LPA: variants seen among roughly 807,000 people sequenced by gnomAD.
The protein encoded by LPA is lipoprotein(a), also known as apolipoprotein(a).
In LPA, 199 loss-of-function variants were observed where a neutral mutation model predicts 197.9. The ratio of observed to expected loss-of-function variants is 1.01; its 90% CI spans 0.90 to 1.13. The LOEUF (loss-of-function observed/expected upper bound fraction) is 1.13. Ranked by LOEUF, LPA falls within the 50% of genes most tolerant of loss-of-function variation. LPA has a pLI of 0.00. For missense variants in LPA, 1,853 were observed against 1,785.8 expected (o/e 1.04, Z -0.68); for synonymous variants, 715 against 639.5 (o/e 1.12, Z -1.78).
At chr6:160,591,168 T>G in intron 22 of LPA, 67 bp from the exon 23 acceptor site, 2 of 1,591,782 alleles carry the variant, frequency 1.3e-6, no homozygotes, top group South Asian at 2.2e-5. Flanking sequence ...AGACATCCTC[T>G]ACATTTTGTT....
chr6:160,576,669 T>C (rs1778686245), intron 28 of LPA, among the ~76,000 whole-genome samples: 1 of 74,578 alleles, frequency 1.3e-5, no homozygotes, highest in African/African-American at 7.1e-5. Flanking sequence ...TATTCAGATG[T>C]TTGTGTGTGT....
At chr6:160,568,404 T>A (rs7750595) in intron 28 of LPA, among the ~76,000 whole-genome samples, 194 of 152,308 alleles carry the variant, frequency 1.3e-3, no homozygotes, top group Non-Finnish European at 2.3e-3. Flanking sequence ...ATTATCTCAA[T>A]AGATGCAGAA....
chr6:160,535,877 T>G (rs777963935), intron 37 of LPA, among the ~76,000 whole-genome samples: 4 of 152,192 alleles, frequency 2.6e-5, no homozygotes, highest in Admixed American at 2.6e-4. Context: ...GATTTTAGCT[T>G]CATGCTTTCA....
intron 30 of LPA, among the ~76,000 whole-genome samples, chr6:160,555,455 A>ATATATATATATATATATATG (rs1287454419): frequency 2.6e-4 from 35 of 133,070 alleles, no homozygotes; most frequent in Non-Finnish European, 3.5e-4. Context: ...ATATATATAT[A>ATATATATATATATATATATG]TGTGTGTGTA....
At chr6:160,613,287 G>A (rs1362553751) in intron 14 of LPA, among the ~76,000 whole-genome samples, 174 bp from the exon 15 acceptor site, 8 of 100,138 alleles carry the variant, frequency 8.0e-5, no homozygotes, top group Non-Finnish European at 1.1e-4. Context: ...AATCGTCTCT[G>A]CACATCTCTC....
chr6:160,578,603 C>A lies in LPA; in HGVS notation c.4391G>T (p.Arg1464Leu), dbSNP rs767564396. The change falls in exon 27 of 39, where the codon CGA (arginine) becomes CTA (leucine). Residue 1464 changes from arginine (R) to leucine (L), a missense_variant. By Grantham distance (102) the Arg-to-Leu change is moderately radical. Around this residue, in one of 3 missense-constraint regions of LPA, gnomAD observed 1,737 missense variants for 1,504.4 expected, o/e 1.15. Transcript: ENST00000316300. Reference protein sequence around the residue: ...SVRWEYCNLTRCPVTESSVLT... With the variant: ...SVRWEYCNLTLCPVTESSVLT... ...GACACTCGATTCTGTCACTGGACAT[C>A]GTGTCAGGTTGCAGTACTCCCACCT... The A allele has an allele frequency of 6.2e-7, 1 of 1,614,020 alleles. No individual in the cohort carries two copies. The highest frequency in any genetic ancestry group is 8.5e-7 in the Non-Finnish European group (1 of 1,179,922).
At chr6:160,605,665 C>T (rs1344474143) in intron 17 of LPA, among the ~76,000 whole-genome samples, 13 of 152,216 alleles carry the variant, frequency 8.5e-5, no homozygotes, top group African/African-American at 2.9e-4. Context: ...AAACAATGAA[C>T]GTTTCATAAC....
chr6:160,605,075 A>G lies in LPA; in HGVS notation c.2916T>C (p.His972=), dbSNP rs777119063. Residue 972 remains histidine, a synonymous_variant, in exon 18 of 39, where the codon CAT becomes CAC. Coordinates refer to ENST00000316300, the MANE Select transcript of LPA (RefSeq NM_005577.4). Reference sequence around the variant, plus strand: ...TTGGGTAGTATGCTGGGGTCCGACTATGCGAGTGTGGTGTCATAGATGACC... The same window carrying G: ...TTGGGTAGTATGCTGGGGTCCGACTGTGCGAGTGTGGTGTCATAGATGACC... The part of the protein sequence containing the change: ...QAWSSMTPHS[H]SRTPAYYPNA... 3.1e-6 allele frequency: 5 copies of G among 1,613,764 alleles called. No individual in the cohort carries two copies. The highest frequency in any genetic ancestry group is 4.2e-6 in the Non-Finnish European group (5 of 1,179,806).
At chr6:160,662,314 G>A (rs1780240353) in intron 1 of LPA, among the ~76,000 whole-genome samples, 1 of 152,192 alleles carries the variant, frequency 6.6e-6, no homozygotes, top group South Asian at 2.1e-4. Context: ...CTTCCTCACT[G>A]TGGTGTGTGA....
At chr6:160,609,029 G>A (rs181151495) in intron 16 of LPA, among the ~76,000 whole-genome samples, 20 of 151,902 alleles carry the variant, frequency 1.3e-4, no homozygotes, top group Non-Finnish European at 2.9e-5. Flanking sequence ...ATTTGATTTG[G>A]CTAGTCAATA....
intron 22 of LPA, among the ~76,000 whole-genome samples, chr6:160,592,130 T>C (rs1240700078): frequency 1.3e-5 from 2 of 152,182 alleles, no homozygotes; most frequent in African/African-American, 4.8e-5. Context: ...CTTTTTCCTC[T>C]CTTTCTGTGA....
intron 26 of LPA, among the ~76,000 whole-genome samples, chr6:160,584,621 T>G (rs992614343): frequency 6.6e-6 from 1 of 152,088 alleles, no homozygotes; most frequent in Non-Finnish European, 1.5e-5. Flanking sequence ...CCTGAGCCAC[T>G]GCACCCAGCC....
At chr6:160,555,284 A>ATG (rs1298217216) in intron 30 of LPA, among the ~76,000 whole-genome samples, 6 of 118,666 alleles carry the variant, frequency 5.1e-5, no homozygotes, top group African/African-American at 2.0e-4. Flanking sequence ...ATTATATTAT[A>ATG]TTATATGTTA....
At chr6:160,610,402 G>A (rs1303011468) in intron 16 of LPA, among the ~76,000 whole-genome samples, 1 of 152,046 alleles carries the variant, frequency 6.6e-6, no homozygotes, top group Non-Finnish European at 1.5e-5. Flanking sequence ...TGGCTGTTCT[G>A]GGGTCTCCAC....
chr6:160,610,731 T>C (rs139920818), intron 16 of LPA, among the ~76,000 whole-genome samples: 1 of 152,128 alleles, frequency 6.6e-6, no homozygotes, highest in Non-Finnish European at 1.5e-5. Flanking sequence ...TCTGCTCAGC[T>C]AGATGGCTAC....
rs145734741 is a variant in LPA at position 160,661,046 on chromosome 6, C to T, written c.49+3120G>A. 3.3e-5 allele frequency among the ~76,000 whole-genome samples: 5 copies of T among 151,108 alleles called. No individual in the cohort carries two copies. The East Asian group carries it at 9.7e-4, about 29-fold the overall frequency. ...GGCCAAGTGGGGCTCAGCTGTGTTCCCATTGCAAGGCTACTGAGCATCCCC... is the reference window on the plus strand; with the variant it reads ...GGCCAAGTGGGGCTCAGCTGTGTTCTCATTGCAAGGCTACTGAGCATCCCC... On this transcript the variant is annotated intron_variant, in intron 1 of 38. Transcript: ENST00000316300.
chr6:160,538,566 A>C (rs557457807), intron 36 of LPA, among the ~76,000 whole-genome samples: 10 of 152,340 alleles, frequency 6.6e-5, no homozygotes, highest in Admixed American at 2.6e-4. Flanking sequence ...AGGGACTCTT[A>C]AAGATTAGAA....
chr6:160,536,006 G>T (rs1346593589), intron 37 of LPA, among the ~76,000 whole-genome samples: 1 of 152,184 alleles, frequency 6.6e-6, no homozygotes, highest in East Asian at 1.9e-4. Flanking sequence ...GGTATTAGTG[G>T]GGTCTTGCCT....
chr6:160,603,100 T>A (rs909497834), intron 18 of LPA, among the ~76,000 whole-genome samples: 1 of 151,994 alleles, frequency 6.6e-6, no homozygotes, highest in African/African-American at 2.4e-5. Context: ...CTATCCTTGC[T>A]TCCAGTATTT....
Sources: gnomAD v4.1 joint callset for allele counts (sites outside exome capture counted in the v4.1 genomes callset) on GRCh38, gnomAD v4.1.1 for gene constraint, gnomAD v4.1.1 regional missense constraint, MANE v1.5 for transcripts, NCBI Gene and HGNC (gene_info 2026-07-23, HGNC 2026-07-21) for gene names.